TENM4: variants seen among roughly 807,000 people sequenced by gnomAD.
TENM4 encodes the protein teneurin-4.
A neutral mutation model predicts 243.3 loss-of-function variants in TENM4; 82 were observed. The ratio of observed to expected loss-of-function variants is 0.34; its 90% CI spans 0.28 to 0.40. The LOEUF (loss-of-function observed/expected upper bound fraction) is 0.40. Ranked by LOEUF, TENM4 falls within the 10% of genes least tolerant of loss-of-function variation. TENM4 has a pLI of 1.00. For missense variants in TENM4, 3,138 were observed against 3,673.3 expected (o/e 0.85, Z 3.77); for synonymous variants, 1,412 against 1,456.3 (o/e 0.97, Z 0.69).
rs114201546 is a variant in TENM4, at chr11:79,050,659, C to T, written c.493+14079G>A. Among the ~76,000 whole-genome samples, 474 of 152,312 alleles carry T rather than the reference C, an allele frequency of 3.1e-3. 2 individuals carry two copies. The highest frequency in any genetic ancestry group is 0.01 in the African/African-American group (429 of 41,576). ...TACACTTATTTCCTTTTTGGAGGCA[C>T]ATTCAGGAAAGCAATTTGTTTTGTA... On this transcript the variant is annotated intron_variant, in intron 6 of 33. Coordinates refer to ENST00000278550, the MANE Select transcript of TENM4 (RefSeq NM_001098816.3).
At chr11:79,022,137 T>A (rs1858945303) in intron 6 of TENM4, among the ~76,000 whole-genome samples, 1 of 152,210 alleles carries the variant, frequency 6.6e-6, no homozygotes, top group Admixed American at 6.5e-5. Flanking sequence ...AATAATCTGA[T>A]GCTTTACCGA....
rs370207501 is a variant in TENM4 at position 78,810,396 on chromosome 11, C to T, written c.1978+1726G>A. Among the ~76,000 whole-genome samples, 27 of 152,300 alleles carry T rather than the reference C, an allele frequency of 1.8e-4. 2 individuals are homozygous for T. The highest frequency in any genetic ancestry group is 1.3e-3 in the Admixed American group (20 of 15,302). ...CGATGCCAGCTCATCTGGGGAAGGACGACTGCCTTTTCCTGGCCCACACAA... is the reference window on the plus strand; with the variant it reads ...CGATGCCAGCTCATCTGGGGAAGGATGACTGCCTTTTCCTGGCCCACACAA... On this transcript the variant is annotated intron_variant, in intron 14 of 33. Coordinates refer to ENST00000278550, the MANE Select transcript of TENM4 (RefSeq NM_001098816.3).
intron 25 of TENM4, among the ~76,000 whole-genome samples, chr11:78,717,473 G>T (rs747631858): frequency 2.5e-4 from 38 of 152,220 alleles, no homozygotes; most frequent in Non-Finnish European, 5.1e-4. Flanking sequence ...TCAAATACCA[G>T]TTCTACCATC....
At chr11:79,223,393 C>A (rs531711443) in intron 2 of TENM4, among the ~76,000 whole-genome samples, 13 of 152,134 alleles carry the variant, frequency 8.5e-5, no homozygotes, top group Non-Finnish European at 1.8e-4. Context: ...AGCACATCAT[C>A]AAAAATTCTG....
chr11:79,167,936 T>G (rs1862953484), intron 3 of TENM4, among the ~76,000 whole-genome samples: 1 of 152,248 alleles, frequency 6.6e-6, no homozygotes, highest in Admixed American at 6.5e-5. Context: ...TGACTCTGGT[T>G]TGACATCCAC....
At chr11:79,214,442 T>G (rs1590800133) in intron 3 of TENM4, among the ~76,000 whole-genome samples, 1 of 152,242 alleles carries the variant, frequency 6.6e-6, no homozygotes, top group African/African-American at 2.4e-5. Flanking sequence ...GAGCTTAACA[T>G]AGTGCTGCAC....
In TENM4 at chr11:79,418,968, A is replaced by T. The variant is rs1427699798; in HGVS notation, c.-321+21541T>A. Among the ~76,000 whole-genome samples, 3 of 152,224 alleles carry T rather than the reference A, an allele frequency of 2.0e-5. No homozygotes were observed. In the East Asian group the frequency reaches 5.8e-4, roughly 29 times the overall value. On this transcript the variant is annotated intron_variant, in intron 1 of 33. Transcript: ENST00000278550. Reference sequence around the variant, plus strand: ...CCTTGTGTTTAGCAATGGTGGCATCACTTGAATAAATGTATGGCCTCTCCA... The same window carrying T: ...CCTTGTGTTTAGCAATGGTGGCATCTCTTGAATAAATGTATGGCCTCTCCA...
chr11:78,780,703 C>T (rs1221974497), intron 16 of TENM4, among the ~76,000 whole-genome samples: 27 of 152,154 alleles, frequency 1.8e-4, no homozygotes, highest in Admixed American at 1.8e-3. Context: ...CTTAAGAGAG[C>T]TCTCTCTCTT....
At chr11:79,161,033 A>T (rs1862734902) in intron 3 of TENM4, among the ~76,000 whole-genome samples, 2 of 152,166 alleles carry the variant, frequency 1.3e-5, no homozygotes, top group Non-Finnish European at 2.9e-5. Context: ...TTAGTGAGCC[A>T]TCTTTGTCTC....
chr11:78,877,222 T>C (rs1226321856), intron 9 of TENM4, among the ~76,000 whole-genome samples: 4 of 100,676 alleles, frequency 4.0e-5, no homozygotes, highest in East Asian at 5.2e-4. Context: ...AGAAATACTG[T>C]GGTTTTTTCA....
intron 6 of TENM4, among the ~76,000 whole-genome samples, chr11:78,988,150 G>T (rs1857960335): frequency 6.6e-6 from 1 of 152,212 alleles, no homozygotes; most frequent in Non-Finnish European, 1.5e-5. Context: ...CCCTAGGTTT[G>T]CTCAGATAAC....
intron 12 of TENM4, among the ~76,000 whole-genome samples, chr11:78,839,411 A>G (rs962889824): frequency 6.6e-6 from 1 of 151,944 alleles, no homozygotes; most frequent in African/African-American, 2.4e-5. Context: ...ATTTTTTTTG[A>G]CTGGGGCATT....
chr11:79,130,680 G>A (rs569370981), intron 4 of TENM4, among the ~76,000 whole-genome samples: 61 of 152,124 alleles, frequency 4.0e-4, no homozygotes, highest in African/African-American at 1.3e-3. Flanking sequence ...AAAATTAGCT[G>A]GGCGTGGTGA....
chr11:78,814,049 C>T (rs1857554478), intron 13 of TENM4, among the ~76,000 whole-genome samples: 1 of 152,116 alleles, frequency 6.6e-6, no homozygotes, highest in Admixed American at 6.5e-5. Flanking sequence ...CTGTGGCCAC[C>T]CCACAGTGAA....
intron 2 of TENM4, among the ~76,000 whole-genome samples, chr11:79,289,632 G>C (rs1400624446): frequency 1.3e-5 from 2 of 152,214 alleles, no homozygotes; most frequent in Non-Finnish European, 2.9e-5. Flanking sequence ...CTCCCTTACA[G>C]GTGCTGATCC....
At chr11:78,978,347 T>TAAGAAAAGAA (rs61346145) in intron 6 of TENM4, among the ~76,000 whole-genome samples, 11,659 of 137,774 alleles carry the variant, frequency 0.085, 617 homozygotes, top group Non-Finnish European at 0.1. Context: ...GAACTTAAAG[T>TAAGAAAAGAA]AAGAAAAGAA....
chr11:79,219,239 C>T (rs984364344), intron 2 of TENM4, among the ~76,000 whole-genome samples: 2 of 152,294 alleles, frequency 1.3e-5, no homozygotes, highest in African/African-American at 4.8e-5. Flanking sequence ...CTCAGCTTTC[C>T]AGCATGTGTA....
At chr11:79,045,692 T>A (rs1179439812) in intron 6 of TENM4, among the ~76,000 whole-genome samples, 1 of 151,356 alleles carries the variant, frequency 6.6e-6, no homozygotes, top group African/African-American at 2.4e-5. Flanking sequence ...TGGGACCTGT[T>A]CCTAATTAAC....
chr11:79,345,709 T>C (rs1176855570), intron 1 of TENM4, among the ~76,000 whole-genome samples: 2 of 152,240 alleles, frequency 1.3e-5, no homozygotes, highest in African/African-American at 2.4e-5. Context: ...AACTATAACC[T>C]ACTTCATACA....
Sources: allele counts gnomAD v4.1 joint callset (sites outside exome capture counted in the v4.1 genomes callset), GRCh38; gene constraint gnomAD v4.1.1; transcripts MANE v1.5; gene names NCBI Gene and HGNC (gene_info 2026-07-23, HGNC 2026-07-21).